KCNMA1: variants seen among roughly 807,000 people sequenced by gnomAD.
The protein encoded by KCNMA1 is potassium calcium-activated channel subfamily M alpha 1.
KCNMA1 carries 29 observed loss-of-function variants against 140.0 expected under a neutral mutation model. The observed-to-expected ratio is 0.21, with a 90% CI of 0.15 to 0.28. KCNMA1 has a LOEUF of 0.28. KCNMA1 is among the 10% of genes least tolerant of loss of function. KCNMA1 has a pLI of 1.00. For synonymous variants in KCNMA1, 612 were observed against 611.9 expected (o/e 1.00, Z 0.00); for missense variants, 880 against 1,602.2 (o/e 0.55, Z 7.70).
In KCNMA1 at chr10:77,510,472, G is replaced by A. The variant is rs191583278; in HGVS notation, c.379-106449C>T. On this transcript the variant is annotated intron_variant, in intron 1 of 27. Transcript: ENST00000286628. ...ATGGAGTGCAGGTTTCTCAAACATAGTCCTGTTCTCTTCTCCTCAAACAAA... is the reference window on the plus strand; with the variant it reads ...ATGGAGTGCAGGTTTCTCAAACATAATCCTGTTCTCTTCTCCTCAAACAAA... 8.5e-5 allele frequency among the ~76,000 whole-genome samples: 13 copies of A among 152,236 alleles called. No individual in the cohort carries two copies. The East Asian group carries it at 2.5e-3, about 29-fold the overall frequency.
chr10:77,458,000 G>A (rs566504479), intron 1 of KCNMA1, among the ~76,000 whole-genome samples: 1 of 152,318 alleles, frequency 6.6e-6, no homozygotes, highest in East Asian at 1.9e-4. Flanking sequence ...CTCTTGCTCA[G>A]ATCAAACGGC....
chr10:76,907,967 C>A (rs1463270653), intron 25 of KCNMA1, among the ~76,000 whole-genome samples: 2 of 151,962 alleles, frequency 1.3e-5, no homozygotes, highest in South Asian at 2.1e-4. Flanking sequence ...TATGTAGAAA[C>A]ATAAACAATT....
chr10:76,919,982 TTG>T (rs1196371060), intron 23 of KCNMA1, among the ~76,000 whole-genome samples: 1,285 of 77,574 alleles, frequency 0.017, 92 homozygotes, highest in African/African-American at 0.047. Flanking sequence ...GCAATGAGCA[TTG>T]TGTGTGTGTG....
intron 12 of KCNMA1, among the ~76,000 whole-genome samples, chr10:77,082,029 T>C (rs1235247550): frequency 0.015 from 1,483 of 98,236 alleles, 70 homozygotes; most frequent in African/African-American, 0.055. Flanking sequence ...TTTTTTTTTT[T>C]TTTTTTTTTT....
At chr10:77,012,117 C>T (rs1352185353) in intron 17 of KCNMA1, 74 bp from the exon 18 acceptor site, 11 of 1,608,822 alleles carry the variant, frequency 6.8e-6, no homozygotes, top group Admixed American at 5.0e-5. Flanking sequence ...ATTTCCTCCA[C>T]GGTGGTGCCA....
At chr10:77,589,179 T>C (rs2078223970) in intron 1 of KCNMA1, among the ~76,000 whole-genome samples, 1 of 152,196 alleles carries the variant, frequency 6.6e-6, no homozygotes, top group Non-Finnish European at 1.5e-5. Flanking sequence ...TGGCTACTTA[T>C]AAAACAAGAG....
intron 11 of KCNMA1, among the ~76,000 whole-genome samples, chr10:77,085,045 C>T (rs558230745): frequency 4.6e-5 from 7 of 152,310 alleles, no homozygotes; most frequent in African/African-American, 1.7e-4. Context: ...TCCCCACCTC[C>T]TTTCTCAACC....
At chr10:77,405,642 T>C (rs550774983) in intron 1 of KCNMA1, among the ~76,000 whole-genome samples, 6 of 152,204 alleles carry the variant, frequency 3.9e-5, no homozygotes, top group Non-Finnish European at 5.9e-5. Context: ...CCAACACAAA[T>C]ACCCACTGCA....
At chr10:77,377,970 T>A (rs1603445629) in intron 2 of KCNMA1, among the ~76,000 whole-genome samples, 1 of 152,216 alleles carries the variant, frequency 6.6e-6, no homozygotes, top group East Asian at 1.9e-4. Context: ...CAATGAATAT[T>A]TGCCCTTTCC....
intron 19 of KCNMA1, among the ~76,000 whole-genome samples, chr10:77,000,753 G>C (rs1358171074): frequency 6.6e-6 from 1 of 151,214 alleles, no homozygotes; most frequent in East Asian, 2.0e-4. Context: ...TAATCCACTA[G>C]CCCAGTGCAG....
chr10:76,886,673 G>T lies in KCNMA1; in HGVS notation c.*593C>A. The T allele has an allele frequency of 1.0e-6, 1 of 994,028 alleles. No homozygotes were observed. The highest frequency in any genetic ancestry group is 1.7e-5 in the African/African-American group (1 of 57,362). The allele number at this position is 994,028 out of a possible 1,614,324, so 61.6% of individuals were successfully genotyped here. ...AATCACTGATGTTCTCTTGCAACAAGCAGGTCCTTCATAATCATCTACACA... is the reference window on the plus strand; with the variant it reads ...AATCACTGATGTTCTCTTGCAACAATCAGGTCCTTCATAATCATCTACACA... On this transcript the variant is annotated 3_prime_UTR_variant, in exon 28 of 28. Transcript: ENST00000286628.
intron 2 of KCNMA1, among the ~76,000 whole-genome samples, chr10:77,336,733 G>T (rs559874692): frequency 6.6e-6 from 1 of 152,318 alleles, no homozygotes; most frequent in Admixed American, 6.5e-5. Context: ...GAATTCGGCA[G>T]GTCCAGCTCA....
intron 5 of KCNMA1, among the ~76,000 whole-genome samples, chr10:77,156,948 A>T (rs577765624): frequency 9.9e-5 from 15 of 151,440 alleles, no homozygotes; most frequent in African/African-American, 3.6e-4. Flanking sequence ...ATCCTGAAAA[A>T]CTCCTAACCT....
At chr10:77,585,796 T>A (rs992999516) in intron 1 of KCNMA1, among the ~76,000 whole-genome samples, 25 of 152,180 alleles carry the variant, frequency 1.6e-4, no homozygotes, top group African/African-American at 6.0e-4. Context: ...GTATACTATA[T>A]GCTCCTATCA....
chr10:77,343,241 C>T (rs997568762), intron 2 of KCNMA1, among the ~76,000 whole-genome samples: 4 of 152,128 alleles, frequency 2.6e-5, no homozygotes, highest in African/African-American at 9.7e-5. Flanking sequence ...ACCTCCATGG[C>T]CCCTACTATG....
chr10:77,341,613 G>A (rs191189299), intron 2 of KCNMA1, among the ~76,000 whole-genome samples: 1 of 152,330 alleles, frequency 6.6e-6, no homozygotes, highest in Admixed American at 6.5e-5. Flanking sequence ...GTTCTGAAAT[G>A]CCTGTGATGG....
At chr10:77,446,808 G>T (rs951309362) in intron 1 of KCNMA1, among the ~76,000 whole-genome samples, 1 of 152,236 alleles carries the variant, frequency 6.6e-6, no homozygotes, top group African/African-American at 2.4e-5. Context: ...CAGCCTCTCT[G>T]CCCAGGCGTC....
At chr10:77,033,581 G>T (rs754044793) in intron 15 of KCNMA1, among the ~76,000 whole-genome samples, 1 of 152,084 alleles carries the variant, frequency 6.6e-6, no homozygotes, top group South Asian at 2.1e-4. Flanking sequence ...TTTTTAGAGA[G>T]CCTTGCTATT....
intron 18 of KCNMA1, 109 bp downstream of exon 18, chr10:77,011,854 TACTC>T: frequency 5.4e-6 from 5 of 923,192 alleles, no homozygotes; most frequent in Non-Finnish European, 7.1e-6. Context: ...AACATAAACA[TACTC>T]AAGAAAACTC....
Sources: gnomAD v4.1 joint callset for allele counts (sites outside exome capture counted in the v4.1 genomes callset) on GRCh38, gnomAD v4.1.1 for gene constraint, MANE v1.5 for transcripts, NCBI Gene and HGNC (gene_info 2026-07-23, HGNC 2026-07-21) for gene names.